The following FGD6 variants were observed in gnomAD, a reference collection of about 807,000 sequenced individuals.
The protein encoded by FGD6 is FYVE, RhoGEF and PH domain containing 6.
FGD6 carries 90 observed loss-of-function variants against 149.4 expected under a neutral mutation model. The observed-to-expected ratio is 0.60, with a 90% CI of 0.51 to 0.72. The LOEUF (loss-of-function observed/expected upper bound fraction) is 0.72, where lower values mean the gene tolerates loss of function less well. Ranked by LOEUF, FGD6 falls within the 30% of genes least tolerant of loss-of-function variation. The probability of loss-of-function intolerance (pLI) is 0.00; values close to 1 mark genes in which losing one functional copy is unlikely to be tolerated. For synonymous variants in FGD6, 527 were observed against 584.0 expected (o/e 0.90, Z 1.41); for missense variants, 1,437 against 1,684.8 (o/e 0.85, Z 2.57).
At chr12:95,162,501 C>T (rs948633299) in intron 3 of FGD6, among the ~76,000 whole-genome samples, 17 of 152,136 alleles carry the variant, frequency 1.1e-4, no homozygotes, top group African/African-American at 3.9e-4. Context: ...TACTCTCCAG[C>T]CTGGGTGACA....
At chr12:95,113,976 C>A (rs1156895089) in intron 8 of FGD6, among the ~76,000 whole-genome samples, 1 of 152,192 alleles carries the variant, frequency 6.6e-6, no homozygotes, top group Non-Finnish European at 1.5e-5. Context: ...ACTCACACAA[C>A]CTCTAGTTGG....
At chr12:95,154,071 T>C (rs1041471481) in intron 3 of FGD6, among the ~76,000 whole-genome samples, 2 of 152,060 alleles carry the variant, frequency 1.3e-5, no homozygotes, top group Admixed American at 6.6e-5. Flanking sequence ...GAGATTCTCC[T>C]GCCTCAGCCT....
intron 2 of FGD6, 63 bp downstream of exon 2, chr12:95,208,780 C>A: frequency 6.5e-7 from 1 of 1,532,084 alleles, no homozygotes; most frequent in Non-Finnish European, 8.8e-7. Context: ...ATTCCTAACT[C>A]ACCAGGCTGT....
intron 8 of FGD6, among the ~76,000 whole-genome samples, chr12:95,114,283 CG>C (rs1191281745): frequency 1.3e-5 from 2 of 151,946 alleles, no homozygotes; most frequent in Non-Finnish European, 2.9e-5. Context: ...TGGGGAAAAG[CG>C]GGGGCTACTG....
chr12:95,094,358 T>C (rs1244148022), intron 15 of FGD6, among the ~76,000 whole-genome samples: 1 of 152,118 alleles, frequency 6.6e-6, no homozygotes, highest in African/African-American at 2.4e-5. Flanking sequence ...CAATGAAGTT[T>C]TATAGCTGGG....
intron 2 of FGD6, among the ~76,000 whole-genome samples, chr12:95,180,726 A>G (rs567166704): frequency 1.3e-5 from 2 of 152,110 alleles, no homozygotes; most frequent in South Asian, 4.2e-4. Context: ...TACATTTTTA[A>G]AAGTTGTTAT....
chr12:95,129,639 T>C (rs927254846), intron 8 of FGD6, among the ~76,000 whole-genome samples: 5 of 152,190 alleles, frequency 3.3e-5, no homozygotes, highest in African/African-American at 1.2e-4. Context: ...GGATCCAGCC[T>C]GATAAACTGG....
At chr12:95,214,740 A>G (rs1302548528) in intron 1 of FGD6, among the ~76,000 whole-genome samples, 1 of 152,048 alleles carries the variant, frequency 6.6e-6, no homozygotes, top group Non-Finnish European at 1.5e-5. Flanking sequence ...TCACGTGTAC[A>G]CTCTCTGGCT....
intron 18 of FGD6, among the ~76,000 whole-genome samples, chr12:95,088,364 G>A (rs1027317456): frequency 1.3e-5 from 2 of 151,782 alleles, no homozygotes; most frequent in Non-Finnish European, 2.9e-5. Flanking sequence ...AAACCCACAG[G>A]TACCCCAGAA....
At chr12:95,189,706 A>C (rs1463966657) in intron 2 of FGD6, 1 of 151,876 alleles carries the variant, frequency 6.6e-6, no homozygotes, top group Non-Finnish European at 1.5e-5. Flanking sequence ...GAAAAGGAGA[A>C]GCATCAACAG....
chr12:95,208,766 C>T (rs2056705685), intron 2 of FGD6, 77 bp downstream of exon 2: 3 of 1,496,972 alleles, frequency 2.0e-6, no homozygotes, highest in Non-Finnish European at 2.7e-6. Context: ...TTTTTTCCCC[C>T]TGCATTCCTA....
chr12:95,179,161 A>G (rs1262878951), intron 2 of FGD6, among the ~76,000 whole-genome samples: 1 of 152,066 alleles, frequency 6.6e-6, no homozygotes, highest in Admixed American at 6.6e-5. Context: ...CCTTCCCCCA[A>G]GTAATTACGA....
At chr12:95,123,941 G>T (rs187076634) in intron 8 of FGD6, among the ~76,000 whole-genome samples, 162 of 151,224 alleles carry the variant, frequency 1.1e-3, no homozygotes, top group African/African-American at 3.6e-3. Context: ...TGGAGACAGG[G>T]TTTCCCTCTG....
At position 95,078,356 on chromosome 12, in the gene FGD6, C is replaced by T. The variant is rs1423986929; in HGVS notation, c.*3164G>A. The stretch of plus-strand genomic sequence containing the variant: ...AAAAGCTGAGCACAATGGAAGCACA[C>T]TCCAAAACATACCAACATATGCTGT... On this transcript the variant is annotated 3_prime_UTR_variant, in exon 21 of 21. Coordinates refer to ENST00000343958, the MANE Select transcript of FGD6 (RefSeq NM_018351.4). 6.6e-6 allele frequency: 1 copy of T among 152,252 alleles called. No individual in the cohort carries two copies. The highest frequency in any genetic ancestry group is 1.9e-4 in the East Asian group (1 of 5,208). 9.4% of individuals were successfully genotyped at this position (152,252 alleles called of 1,614,324 possible). A position where few individuals can be genotyped will look rare whatever the true frequency, so the allele number is the denominator to read the frequency against.
intron 14 of FGD6, chr12:95,100,465 G>A: frequency 3.1e-6 from 1 of 317,972 alleles, no homozygotes; most frequent in Middle Eastern, 1.2e-3. Flanking sequence ...GCCCAGACCA[G>A]CTGGCTGCTT....
intron 2 of FGD6, among the ~76,000 whole-genome samples, chr12:95,194,399 C>T (rs1262308947): frequency 6.8e-6 from 1 of 146,078 alleles, no homozygotes; most frequent in Non-Finnish European, 1.5e-5. Flanking sequence ...CTATGCCTGG[C>T]TAATTTTGTA....
chr12:95,179,461 T>C (rs921801070), intron 2 of FGD6, among the ~76,000 whole-genome samples: 4 of 152,128 alleles, frequency 2.6e-5, no homozygotes, highest in Admixed American at 6.6e-5. Flanking sequence ...GCCACAATTA[T>C]GACCTTGCAC....
intron 8 of FGD6, chr12:95,126,214 C>A (rs1879334203): frequency 1.7e-6 from 2 of 1,204,076 alleles, no homozygotes; most frequent in Non-Finnish European, 2.4e-6. Context: ...GCTGCTGCAG[C>A]TGCTGCTAAA....
intron 19 of FGD6, among the ~76,000 whole-genome samples, chr12:95,085,213 CT>C (rs34135341): frequency 0.11 from 12,630 of 117,850 alleles, 436 homozygotes; most frequent in Non-Finnish European, 0.16. Context: ...ACAGCTCTGC[CT>C]TTTTTTTTTT....
Sources: gnomAD v4.1 joint callset for allele counts (sites outside exome capture counted in the v4.1 genomes callset) on GRCh38, gnomAD v4.1.1 for gene constraint, MANE v1.5 for transcripts, NCBI Gene and HGNC (gene_info 2026-07-23, HGNC 2026-07-21) for gene names.